Variants in PDE2A observed in about 807,000 individuals in gnomAD.
PDE2A encodes the protein phosphodiesterase 2A.
PDE2A carries 53 observed loss-of-function variants against 133.6 expected under a neutral mutation model. That is an observed-to-expected ratio of 0.40 (90% CI 0.32 to 0.50). PDE2A has a LOEUF of 0.50. Among genes scored for constraint, PDE2A ranks in the 20% least tolerant of loss-of-function variants. The pLI is 0.73. For missense variants in PDE2A, 796 were observed against 1,232.4 expected (o/e 0.65, Z 5.30); for synonymous variants, 491 against 490.2 (o/e 1.00, Z -0.02).
intron 24 of PDE2A, 34 bp downstream of exon 24, chr11:72,580,852 G>GA (rs1359266664): frequency 7.6e-7 from 1 of 1,321,548 alleles, no homozygotes; most frequent in Non-Finnish European, 1.1e-6. Context: ...ACACCCCATG[G>GA]AGGGTCCCCA....
chr11:72,589,098 G>A, intron 12 of PDE2A, 77 bp downstream of exon 12: 1 of 1,377,080 alleles, frequency 7.3e-7, no homozygotes, highest in South Asian at 1.2e-5. Context: ...AGGCTGCTCT[G>A]TAACAGAGAC....
At chr11:72,584,500 C>T (rs1328997752) in intron 18 of PDE2A, 51 bp downstream of exon 18, 1 of 1,536,468 alleles carries the variant, frequency 6.5e-7, no homozygotes, top group South Asian at 1.2e-5. Context: ...TCGCTCGGAC[C>T]CGCCCCGCCC....
chr11:72,649,856 G>A (rs1355187223), intron 1 of PDE2A, among the ~76,000 whole-genome samples: 3 of 152,132 alleles, frequency 2.0e-5, no homozygotes, highest in Non-Finnish European at 4.4e-5. Flanking sequence ...AGCAAAAGGA[G>A]AGGCAGATGC....
chr11:72,611,743 A>T (rs1857221283), intron 2 of PDE2A, among the ~76,000 whole-genome samples: 1 of 152,172 alleles, frequency 6.6e-6, no homozygotes, highest in South Asian at 2.1e-4. Flanking sequence ...TGCCCCAGGA[A>T]TGGAGGGTGT....
intron 3 of PDE2A, among the ~76,000 whole-genome samples, chr11:72,606,161 C>T (rs1856963159): frequency 6.6e-6 from 1 of 151,946 alleles, no homozygotes. Flanking sequence ...CACTGACCTA[C>T]AGGCAAAAAT....
chr11:72,666,595 T>C (rs982989826), intron 1 of PDE2A, among the ~76,000 whole-genome samples: 1 of 152,172 alleles, frequency 6.6e-6, no homozygotes, highest in Non-Finnish European at 1.5e-5. Flanking sequence ...AGCCAGACAT[T>C]AGGCGCGGCC....
Position 72,617,245 on chromosome 11 carries a change from G to A in PDE2A, c.145-8494C>T, listed in dbSNP as rs78450920. 5.2e-3 allele frequency among the ~76,000 whole-genome samples: 795 copies of A among 152,330 alleles called. 3 individuals are homozygous for A. Among genetic ancestry groups the A allele is most frequent in the African/African-American group, 0.018 (754 of 41,558 alleles). ...GTGGGAGGTAAATGCTGAAGGAGGC[G>A]GCCTGGCCTAGGGTTAGTGTGGGCC... On this transcript the variant is annotated intron_variant, in intron 2 of 30. Coordinates refer to ENST00000334456, the MANE Select transcript of PDE2A (RefSeq NM_002599.5).
Position 72,590,300 on chromosome 11 carries a change from G to A in PDE2A, c.704-56C>T, listed in dbSNP as rs578104285. 6.5e-7 allele frequency: 1 copy of A among 1,542,148 alleles called. No homozygotes were observed. On this transcript the variant is annotated intron_variant, in intron 8 of 30. Transcript: ENST00000334456. This position sits in a 1 kb window ranked among gnomAD's most constrained non-coding sequence, Gnocchi z 4.8. ...GGCCCCTCCGCACCTCCGTGTCCGG[G>A]TCCCTCAGGCGCCGCTCAGCTCCGC...
intron 2 of PDE2A, among the ~76,000 whole-genome samples, chr11:72,628,395 A>T (rs1858194843): frequency 2.0e-5 from 3 of 149,690 alleles, no homozygotes; most frequent in Admixed American, 6.7e-5. Flanking sequence ...CAGTGGCGCG[A>T]TCTCGGCTCA....
chr11:72,578,604 G>A lies in PDE2A; in HGVS notation c.2470-90C>T. ...GCCCGTTCCCAGGAGAGAAAACTGA[G>A]GCCCAGGGATTCAGTCCCAGCTCAG... On this transcript the variant is annotated intron_variant, in intron 28 of 30. Coordinates refer to ENST00000334456, the MANE Select transcript of PDE2A (RefSeq NM_002599.5). This position sits in a 1 kb window ranked among gnomAD's most constrained non-coding sequence, Gnocchi z 4.2. The A allele has an allele frequency of 8.7e-7, 1 of 1,145,482 alleles. No homozygotes were observed. Among genetic ancestry groups the A allele is most frequent in the Non-Finnish European group, 1.3e-6 (1 of 759,034 alleles). 71.0% of individuals were successfully genotyped at this position (1,145,482 alleles called of 1,614,324 possible).
intron 3 of PDE2A, among the ~76,000 whole-genome samples, chr11:72,606,322 AG>A (rs758568939): frequency 3.9e-5 from 6 of 152,086 alleles, no homozygotes; most frequent in Admixed American, 6.5e-5. Context: ...GGGCTTTGGG[AG>A]GAGCTGACAG....
rs1855498408 is a variant in PDE2A at position 72,576,947 on chromosome 11, T to G, written c.*437A>C. 1.1e-5 allele frequency: 2 copies of G among 187,042 alleles called. No individual in the cohort carries two copies. The highest frequency in any genetic ancestry group is 2.4e-5 in the African/African-American group (1 of 42,312). 11.6% of individuals were successfully genotyped at this position (187,042 alleles called of 1,614,324 possible). ...AAGGACTGTTTCCAAGATGCCACAC[T>G]CTGCTCACTCAGATGTCTCACCTTC... is the stretch of plus-strand genomic sequence containing the variant. On this transcript the variant is annotated 3_prime_UTR_variant, in exon 31 of 31. Transcript: ENST00000334456.
At chr11:72,638,959 C>T (rs550711736) in intron 2 of PDE2A, among the ~76,000 whole-genome samples, 2 of 152,336 alleles carry the variant, frequency 1.3e-5, no homozygotes, top group Admixed American at 6.5e-5. Context: ...CCCACCCCAA[C>T]ACCCCCTTCA....
At chr11:72,625,212 C>T (rs772957484) in intron 2 of PDE2A, among the ~76,000 whole-genome samples, 1 of 152,348 alleles carries the variant, frequency 6.6e-6, no homozygotes, top group Non-Finnish European at 1.5e-5. Flanking sequence ...CCGGCTGGAT[C>T]CATGGGACTT....
intron 1 of PDE2A, among the ~76,000 whole-genome samples, chr11:72,665,042 G>T (rs960293665): frequency 6.6e-6 from 1 of 152,018 alleles, no homozygotes; most frequent in Non-Finnish European, 1.5e-5. Flanking sequence ...CCAACCTCAG[G>T]TGATCCACCC....
In PDE2A at chr11:72,589,372, T is replaced by C. The variant is rs73542583; in HGVS notation, c.874-132A>G. 365 of 713,514 alleles carry C rather than the reference T, an allele frequency of 5.1e-4. No individual in the cohort carries two copies. The African/African-American group carries it at 5.3e-3, about 10-fold the overall frequency. The allele number at this position is 713,514 out of a possible 1,614,324, so 44.2% of individuals were successfully genotyped here. A position where few individuals can be genotyped will look rare whatever the true frequency, so the allele number is the denominator to read the frequency against. ...GTCCAAATGGTGGACAGGGTCAGCA[T>C]TGATGAGCAGAGATGGAGGGGAGTC... On this transcript the variant is annotated intron_variant, in intron 11 of 30. Coordinates refer to ENST00000334456, the MANE Select transcript of PDE2A (RefSeq NM_002599.5).
intron 13 of PDE2A, 54 bp from the exon 14 acceptor site, chr11:72,586,235 C>A: frequency 9.7e-7 from 1 of 1,035,736 alleles, no homozygotes; most frequent in Non-Finnish European, 1.5e-6. Flanking sequence ...GCTTCTCTCC[C>A]CACTCTCCTT....
chr11:72,583,120 C>T (rs771820411), intron 20 of PDE2A, among the ~76,000 whole-genome samples: 4 of 152,182 alleles, frequency 2.6e-5, no homozygotes, highest in Non-Finnish European at 5.9e-5. Context: ...GCCATGGGGA[C>T]GGGTCCTGGG....
chr11:72,590,024 G>T lies in PDE2A; in HGVS notation c.757-43C>A. ...AGGGCGAGGGGGTGACCGCGGATCC[G>T]GGTCACCCCACTCCCCACCTGCTCC... On this transcript the variant is annotated intron_variant, in intron 9 of 30. Coordinates refer to ENST00000334456, the MANE Select transcript of PDE2A (RefSeq NM_002599.5). The surrounding 1 kb of genome is among the most constrained non-coding windows in gnomAD (Gnocchi z 4.8). 1 of 1,547,956 alleles carries T rather than the reference G, an allele frequency of 6.5e-7. No homozygotes were observed. The highest frequency in any genetic ancestry group is 8.8e-7 in the Non-Finnish European group (1 of 1,133,580).
Sources: allele counts gnomAD v4.1 joint callset (sites outside exome capture counted in the v4.1 genomes callset), GRCh38; gene constraint gnomAD v4.1.1; non-coding constraint Gnocchi (gnomAD v3.1); transcripts MANE v1.5; gene names NCBI Gene and HGNC (gene_info 2026-07-23, HGNC 2026-07-21).